DPYD: variants seen among roughly 807,000 people sequenced by gnomAD.
DPYD encodes dihydropyrimidine dehydrogenase.
A neutral mutation model predicts 116.2 loss-of-function variants in DPYD; 109 were observed. The observed-to-expected ratio is 0.94, with a 90% CI of 0.80 to 1.10. The LOEUF (loss-of-function observed/expected upper bound fraction) is 1.10, where lower values mean the gene tolerates loss of function less well. Ranked by LOEUF, DPYD falls within the 50% of genes least tolerant of loss-of-function variation. The pLI is 0.00. For synonymous variants in DPYD, 440 were observed against 432.0 expected (o/e 1.02, Z -0.23); for missense variants, 1,302 against 1,254.5 (o/e 1.04, Z -0.57).
intron 13 of DPYD, 114 bp from the exon 14 acceptor site, chr1:97,450,337 CA>C: frequency 8.7e-7 from 1 of 1,155,442 alleles, no homozygotes; most frequent in South Asian, 1.6e-5. Context: ...CACATTTTTG[CA>C]GAGGAATTTT....
chr1:97,775,710 G>A (rs1404436000), intron 3 of DPYD, among the ~76,000 whole-genome samples: 1 of 152,020 alleles, frequency 6.6e-6, no homozygotes, highest in Non-Finnish European at 1.5e-5. Flanking sequence ...TCCTCCTCAG[G>A]ATGTCATCTT....
chr1:97,126,010 C>T (rs972019611), intron 20 of DPYD, among the ~76,000 whole-genome samples: 1 of 152,012 alleles, frequency 6.6e-6, no homozygotes, highest in African/African-American at 2.4e-5. Flanking sequence ...TCATTACTGG[C>T]TAAGTACAAA....
chr1:97,161,001 TA>T (rs1655854054), intron 20 of DPYD, among the ~76,000 whole-genome samples: 1 of 152,124 alleles, frequency 6.6e-6, no homozygotes, highest in African/African-American at 2.4e-5. Context: ...TCCCCAACCA[TA>T]GCAAAGCCTG....
In DPYD at chr1:97,849,569, G is replaced by A. The variant is rs180769906; in HGVS notation, c.151-21373C>T. On this transcript the variant is annotated intron_variant, in intron 2 of 22. Transcript: ENST00000370192. ...TAAATGACTTGCCTAGGTTTCCTGA[G>A]TAGAAACTGACAGAGCCTAGATGTG... Among the ~76,000 whole-genome samples the A allele has an allele frequency of 2.0e-5, 3 of 151,748 alleles. No individual in the cohort carries two copies. The East Asian group carries it at 5.8e-4, about 29-fold the overall frequency.
At chr1:97,257,593 G>A (rs138663567) in intron 18 of DPYD, among the ~76,000 whole-genome samples, 1 of 150,824 alleles carries the variant, frequency 6.6e-6, no homozygotes, top group East Asian at 2.0e-4. Context: ...GTATATATAT[G>A]GTACAAGTAT....
At chr1:97,393,666 T>C (rs9727803) in intron 14 of DPYD, among the ~76,000 whole-genome samples, 1 of 151,810 alleles carries the variant, frequency 6.6e-6, no homozygotes, top group Non-Finnish European at 1.5e-5. Context: ...GTGTATATGT[T>C]CCACATTTTC....
intron 8 of DPYD, among the ~76,000 whole-genome samples, chr1:97,597,941 G>A (rs1035481305): frequency 6.6e-6 from 1 of 151,852 alleles, no homozygotes; most frequent in Non-Finnish European, 1.5e-5. Flanking sequence ...CTTCTCTCAT[G>A]GATGTGAGAT....
intron 11 of DPYD, among the ~76,000 whole-genome samples, chr1:97,560,497 T>C (rs372196815): frequency 2.9e-4 from 44 of 151,974 alleles, no homozygotes; most frequent in East Asian, 2.1e-3. Context: ...TTCCCAGGTG[T>C]TTCATAATTT....
chr1:97,622,245 A>G (rs1242032525), intron 8 of DPYD, among the ~76,000 whole-genome samples: 3 of 152,066 alleles, frequency 2.0e-5, no homozygotes, highest in Admixed American at 2.0e-4. Flanking sequence ...GGTTAACATT[A>G]ATCATGACAA....
At chr1:97,766,965 T>C (rs1391153808) in intron 3 of DPYD, among the ~76,000 whole-genome samples, 1 of 152,112 alleles carries the variant, frequency 6.6e-6, no homozygotes, top group Non-Finnish European at 1.5e-5. Context: ...AAGGGTACCA[T>C]GTGAAAAAAT....
intron 11 of DPYD, among the ~76,000 whole-genome samples, chr1:97,550,696 T>G (rs918824775): frequency 6.6e-6 from 1 of 152,150 alleles, no homozygotes; most frequent in African/African-American, 2.4e-5. Flanking sequence ...AAGGGCCTTA[T>G]TCTTTACTCC....
intron 19 of DPYD, among the ~76,000 whole-genome samples, chr1:97,233,149 C>T (rs1370788056): frequency 6.6e-6 from 1 of 152,094 alleles, no homozygotes; most frequent in South Asian, 2.1e-4. Flanking sequence ...GGGCATGGCT[C>T]CTGGTTACTG....
At chr1:97,112,463 AAG>A (rs1380108038) in intron 20 of DPYD, among the ~76,000 whole-genome samples, 33 of 152,150 alleles carry the variant, frequency 2.2e-4, no homozygotes, top group African/African-American at 7.7e-4. Flanking sequence ...GAATGAAAGC[AAG>A]ACCATTCTGT....
chr1:97,264,163 T>G (rs969244995), intron 18 of DPYD, among the ~76,000 whole-genome samples: 1 of 20,894 alleles, frequency 4.8e-5, no homozygotes, highest in Non-Finnish European at 9.2e-5. Flanking sequence ...CAAAATTCTG[T>G]TTTTTTTTTT....
intron 8 of DPYD, among the ~76,000 whole-genome samples, chr1:97,602,382 T>C (rs1314478419): frequency 3.9e-5 from 6 of 151,976 alleles, no homozygotes; most frequent in Admixed American, 6.6e-5. Context: ...CAATTTAGAA[T>C]ATCTACAGGT....
intron 13 of DPYD, among the ~76,000 whole-genome samples, chr1:97,467,849 T>C (rs891353634): frequency 6.6e-6 from 1 of 152,164 alleles, no homozygotes; most frequent in Non-Finnish European, 1.5e-5. Context: ...TTTAGGGATA[T>C]CTGAACCCAC....
At chr1:97,441,910 G>A (rs1675818285) in intron 14 of DPYD, among the ~76,000 whole-genome samples, 1 of 152,040 alleles carries the variant, frequency 6.6e-6, no homozygotes, top group Non-Finnish European at 1.5e-5. Context: ...TCAGCCTGGG[G>A]CTAATTATTT....
Position 97,893,433 on chromosome 1 carries a change from T to TATAC in DPYD, c.40-10060_40-10059insGTAT, listed in dbSNP as rs1206914807. 3.8e-5 allele frequency among the ~76,000 whole-genome samples: 5 copies of TATAC among 132,056 alleles called. 1 individual carries two copies. Among genetic ancestry groups the TATAC allele is most frequent in the Admixed American group, 2.2e-4 (3 of 13,562 alleles). 86.6% of individuals were successfully genotyped at this position (132,056 alleles called of 152,430 possible). A position where few individuals can be genotyped will look rare whatever the true frequency, so the allele number is the denominator to read the frequency against. ...AACAGATTTTAATATCCATCGCATA[T>TATAC]ATATATATATATATATATATATATA... is the stretch of plus-strand genomic sequence containing the variant. On this transcript the variant is annotated intron_variant, in intron 1 of 22. Coordinates refer to ENST00000370192, the MANE Select transcript of DPYD (RefSeq NM_000110.4).
At chr1:97,815,597 C>T (rs1317730615) in intron 3 of DPYD, among the ~76,000 whole-genome samples, 1 of 152,104 alleles carries the variant, frequency 6.6e-6, no homozygotes, top group African/African-American at 2.4e-5. Context: ...GAACAGACAG[C>T]AAGAGATGTC....
Sources: gnomAD v4.1 joint callset for allele counts (sites outside exome capture counted in the v4.1 genomes callset) on GRCh38, gnomAD v4.1.1 for gene constraint, MANE v1.5 for transcripts, NCBI Gene and HGNC (gene_info 2026-07-23, HGNC 2026-07-21) for gene names.